The following RTN4 variants were observed in gnomAD, a reference collection of about 807,000 sequenced individuals.
RTN4 encodes the protein reticulon-4.
RTN4 carries 32 observed loss-of-function variants against 90.4 expected under a neutral mutation model. The observed-to-expected ratio is 0.35, with a 90% confidence interval of 0.27 to 0.48. The LOEUF is 0.48. RTN4 is among the 20% of genes least tolerant of loss of function. RTN4 has a pLI of 0.99. For synonymous variants in RTN4, 629 were observed against 552.5 expected, an observed-to-expected ratio of 1.14 and a Z score of -1.94; for missense variants, 1,706 against 1,430.2, an observed-to-expected ratio of 1.19 and a Z score of -3.11.
At position 54,972,895 on chromosome 2, in the gene RTN4, A is replaced by G. The variant is rs1428017536; in HGVS notation, c.*261T>C. ...AAATATACAGGTTTTTTATTCCACC[A>G]GTGCCTCAGATAGATAGGAAAAAGA... On this transcript the variant is annotated 3_prime_UTR_variant, in exon 9 of 9. Coordinates refer to ENST00000337526, the MANE Select transcript of RTN4 (RefSeq NM_020532.5). 3 of 313,786 alleles carry G rather than the reference A, an allele frequency of 9.6e-6. No homozygotes were observed. Among genetic ancestry groups the G allele is most frequent in the Non-Finnish European group, 1.7e-5 (3 of 177,462 alleles). The allele number at this position is 313,786 out of a possible 1,614,324, so 19.4% of individuals were successfully genotyped here.
At chr2:55,075,317 C>G (rs202132838) in intron 2 of RTN4, among the ~76,000 whole-genome samples, 1 of 152,160 alleles carries the variant, frequency 6.6e-6, no homozygotes, top group African/African-American at 2.4e-5. Flanking sequence ...GAACTCAACC[C>G]CTTTTACAAT....
intron 1 of RTN4, among the ~76,000 whole-genome samples, chr2:55,096,101 T>C (rs572562157): frequency 6.6e-6 from 1 of 151,850 alleles, no homozygotes; most frequent in South Asian, 2.1e-4. Context: ...CCGAGGCGGG[T>C]GGATTACCTG....
chr2:55,053,858 G>A (rs546498692), upstream of RTN4, among the ~76,000 whole-genome samples: 37 of 152,268 alleles, frequency 2.4e-4, no homozygotes, highest in Non-Finnish European at 4.6e-4. Context: ...TGGGAGGTCA[G>A]CTTAACCAAT....
At chr2:54,978,282 T>C (rs1203891109) in intron 5 of RTN4, among the ~76,000 whole-genome samples, 3 of 151,878 alleles carry the variant, frequency 2.0e-5, no homozygotes, top group Non-Finnish European at 4.4e-5. Context: ...ATACAAAAAT[T>C]AGCTGGGCGT....
the RTN4 span, among the ~76,000 whole-genome samples, chr2:55,121,464 A>C: frequency 6.6e-6 from 1 of 152,250 alleles, no homozygotes; most frequent in Non-Finnish European, 1.5e-5. Context: ...CTCCTTCTTC[A>C]GCTAATTAAA....
intron 1 of RTN4, among the ~76,000 whole-genome samples, chr2:55,039,263 A>C (rs1682897736): frequency 6.6e-6 from 1 of 152,232 alleles, no homozygotes; most frequent in Non-Finnish European, 1.5e-5. Flanking sequence ...ATTTTACTGC[A>C]TGTAAATTAT....
chr2:55,024,615 T>G (rs1243430570), intron 3 of RTN4, among the ~76,000 whole-genome samples: 1 of 152,158 alleles, frequency 6.6e-6, no homozygotes, highest in African/African-American at 2.4e-5. Flanking sequence ...ACACTCAATA[T>G]GCCTAACTTT....
At chr2:55,132,277 C>T in the RTN4 span, among the ~76,000 whole-genome samples, 1 of 151,948 alleles carries the variant, frequency 6.6e-6, no homozygotes, top group African/African-American at 2.4e-5. Flanking sequence ...CTGAGGCGGG[C>T]GAATCACCTG....
intron 1 of RTN4, among the ~76,000 whole-genome samples, chr2:55,040,469 C>T (rs6718315): frequency 0.069 from 10,457 of 152,070 alleles, 1,119 homozygotes; most frequent in African/African-American, 0.23. Context: ...CCTCCATCTA[C>T]GGTTGTCAGG....
chr2:54,974,849 G>A (rs1677485490), intron 5 of RTN4, 85 bp from the exon 6 acceptor site: 2 of 1,115,212 alleles, frequency 1.8e-6, no homozygotes, highest in Non-Finnish European at 2.7e-6. Context: ...CCATCTAAAT[G>A]CCTACCTACA....
intron 4 of RTN4, among the ~76,000 whole-genome samples, chr2:54,985,803 G>C (rs1307076178): frequency 6.6e-6 from 1 of 152,114 alleles, no homozygotes; most frequent in Admixed American, 6.5e-5. Flanking sequence ...GTTGTAGGTA[G>C]GTACATAGTC....
rs933204374 is a variant in RTN4, at chr2:55,026,119, T to C, written c.1980A>G (p.Glu660=). The C allele has an allele frequency of 2.5e-6, 4 of 1,613,440 alleles. No individual in the cohort carries two copies. Among genetic ancestry groups the C allele is most frequent in the Non-Finnish European group, 3.4e-6 (4 of 1,179,824 alleles). Residue 660 remains glutamate, a synonymous_variant, in exon 3 of 9, where the codon GAA becomes GAG. Transcript: ENST00000337526. The part of the protein sequence containing the change: ...KHEPENPPPY[E]EAMSVSLKKV... The stretch of plus-strand genomic sequence containing the variant: ...TTTTTAGTGATACACTCATGGCCTC[T>C]TCATATGGTGGGGGGTTTTCAGGCT...
In RTN4 at chr2:55,049,676, A is replaced by C. The variant is rs775753778; in HGVS notation, c.556+69T>G. Reference sequence around the variant, plus strand: ...CGGAGAGGAGGGACCAGCCCAAAGCATCTGGGGCTGCACACAAAAGAGGGA... The same window carrying C: ...CGGAGAGGAGGGACCAGCCCAAAGCCTCTGGGGCTGCACACAAAAGAGGGA... On this transcript the variant is annotated intron_variant, in intron 1 of 8. Coordinates refer to ENST00000337526, the MANE Select transcript of RTN4 (RefSeq NM_020532.5). The C allele has an allele frequency of 3.3e-6, 5 of 1,497,152 alleles. No individual in the cohort carries two copies. The East Asian group carries it at 1.0e-4, about 31-fold the overall frequency. 92.7% of individuals were successfully genotyped at this position (1,497,152 alleles called of 1,614,324 possible).
intron 2 of RTN4, among the ~76,000 whole-genome samples, chr2:55,078,927 C>G (rs561452150): frequency 6.6e-6 from 1 of 152,108 alleles, no homozygotes; most frequent in African/African-American, 2.4e-5. Flanking sequence ...ATCTGACCAT[C>G]CTTGGGAATA....
At chr2:55,132,440 T>C in the RTN4 span, among the ~76,000 whole-genome samples, 1 of 151,706 alleles carries the variant, frequency 6.6e-6, no homozygotes, top group Non-Finnish European at 1.5e-5. Context: ...GAGGCAGAGG[T>C]TGCAGTGAGC....
At chr2:54,990,296 A>C (rs149670226) in intron 3 of RTN4, among the ~76,000 whole-genome samples, 157 of 152,326 alleles carry the variant, frequency 1.0e-3, no homozygotes, top group African/African-American at 3.6e-3. Flanking sequence ...CCACAAAAAT[A>C]ATAGGTAACA....
chr2:54,980,006 C>T (rs1293589412), intron 5 of RTN4, among the ~76,000 whole-genome samples: 1 of 151,850 alleles, frequency 6.6e-6, no homozygotes, highest in Non-Finnish European at 1.5e-5. Flanking sequence ...TCCTTTTTTT[C>T]AATACTAAGA....
chr2:55,135,892 G>C, the RTN4 span, among the ~76,000 whole-genome samples: 2 of 152,158 alleles, frequency 1.3e-5, no homozygotes, highest in Non-Finnish European at 2.9e-5. Flanking sequence ...TGTATCAGTA[G>C]TTCATTCCTT....
intron 5 of RTN4, among the ~76,000 whole-genome samples, chr2:54,980,106 T>C (rs1311181726): frequency 3.3e-5 from 5 of 152,350 alleles, no homozygotes; most frequent in East Asian, 1.9e-4. Context: ...CAAGAACTTA[T>C]CAAGTTCGAT....
Sources: allele counts gnomAD v4.1 joint callset (sites outside exome capture counted in the v4.1 genomes callset), GRCh38; gene constraint gnomAD v4.1.1; transcripts MANE v1.5; gene names NCBI Gene and HGNC (gene_info 2026-07-23, HGNC 2026-07-21).